Variants in IL15 observed in about 807,000 individuals in gnomAD.
IL15 encodes interleukin-15.
Under a neutral mutation model 19.6 loss-of-function variants are expected in IL15, and 11 were observed. The ratio of observed to expected loss-of-function variants is 0.56; its 90% CI spans 0.35 to 0.93. The LOEUF is 0.93. IL15 is among the 40% of genes least tolerant of loss of function. The probability of loss-of-function intolerance (pLI) is 0.01; values close to 1 mark genes in which losing one functional copy is unlikely to be tolerated. For synonymous variants in IL15, 58 were observed against 59.6 expected, an observed-to-expected ratio of 0.97 and a Z score of 0.12; for missense variants, 197 against 186.5, an observed-to-expected ratio of 1.06 and a Z score of -0.33.
Position 141,719,369 on chromosome 4 carries a change from G to T in IL15, c.-96G>T. 1.5e-6 allele frequency: 1 copy of T among 689,496 alleles called. No homozygotes were observed. The highest frequency in any genetic ancestry group is 2.6e-6 in the Non-Finnish European group (1 of 379,538). The allele number at this position is 689,496 out of a possible 1,614,324, so 42.7% of individuals were successfully genotyped here. On this transcript the variant is annotated 5_prime_UTR_variant, in exon 3 of 8. Transcript: ENST00000320650. Reference sequence around the variant, plus strand: ...AATGGATCATACTTTACCCTAGATTGTATTGTAGGAGGCATTGTGGATGGA... The same window carrying T: ...AATGGATCATACTTTACCCTAGATTTTATTGTAGGAGGCATTGTGGATGGA...
chr4:141,658,988 T>C lies in IL15; in HGVS notation c.-100+2681T>C, dbSNP rs950145378. ...CATTCTCCTGCCTCAGCCTCCTGAG[T>C]AGCTGGGACTACAGGCGCCTGCCAC... On this transcript the variant is annotated intron_variant, in intron 2 of 7. Coordinates refer to ENST00000320650, the MANE Select transcript of IL15 (RefSeq NM_000585.5). 2.6e-5 allele frequency among the ~76,000 whole-genome samples: 4 copies of C among 151,568 alleles called. No homozygotes were observed. The East Asian group carries it at 7.8e-4, about 29-fold the overall frequency.
At chr4:141,655,413 G>A in intron 1 of IL15, among the ~76,000 whole-genome samples, 1 of 151,688 alleles carries the variant, frequency 6.6e-6, no homozygotes, top group East Asian at 1.9e-4. Flanking sequence ...TGGCTGTATG[G>A]GTGTAAGATC....
At position 141,719,470 on chromosome 4, in the gene IL15, A is replaced by G; in HGVS notation, c.6A>G (p.Arg2=). 1 of 1,056,066 alleles carries G rather than the reference A, an allele frequency of 9.5e-7. No individual in the cohort carries two copies. The highest frequency in any genetic ancestry group is 1.3e-5 in the South Asian group (1 of 77,848). 65.4% of individuals were successfully genotyped at this position (1,056,066 alleles called of 1,614,324 possible). The change falls in exon 3 of 8, where the codon AGA becomes AGG. Residue 2 remains arginine (R), a synonymous_variant. Transcript: ENST00000320650. M[R]ISKPHLRSIS... Reference sequence around the variant, plus strand: ...ATTTACCGTGGCTTTGAGTAATGAGAATTTCGGTAAGAAAAAAAATAGATG... The same window carrying G: ...ATTTACCGTGGCTTTGAGTAATGAGGATTTCGGTAAGAAAAAAAATAGATG...
chr4:141,656,635 G>A (rs1397440769), intron 2 of IL15, among the ~76,000 whole-genome samples: 1 of 152,094 alleles, frequency 6.6e-6, no homozygotes, highest in Non-Finnish European at 1.5e-5. Context: ...GTATGGCTAT[G>A]TCCCACCAGA....
At position 141,669,292 on chromosome 4, in the gene IL15, C is replaced by T. The variant is rs536751478; in HGVS notation, c.-100+12985C>T. Among the ~76,000 whole-genome samples, 53 of 152,136 alleles carry T rather than the reference C, an allele frequency of 3.5e-4. 1 individual carries two copies. The highest frequency in any genetic ancestry group is 6.5e-4 in the Non-Finnish European group (44 of 68,028). ...ACTTTGAAAGTGCCTGGAATTTAGA[C>T]ACACAATGTAGCAAGCAACAAGAAG... On this transcript the variant is annotated intron_variant, in intron 2 of 7. Transcript: ENST00000320650.
chr4:141,682,968 A>G (rs1401922931), intron 2 of IL15, among the ~76,000 whole-genome samples: 2 of 151,982 alleles, frequency 1.3e-5, no homozygotes, highest in African/African-American at 2.4e-5. Context: ...AAAAACAAAC[A>G]AACAAACAAA....
chr4:141,660,298 C>G (rs1186073740), intron 2 of IL15, among the ~76,000 whole-genome samples: 1 of 152,164 alleles, frequency 6.6e-6, no homozygotes, highest in East Asian at 1.9e-4. Flanking sequence ...TGGGTATAAA[C>G]TAAGTTACTA....
intron 1 of IL15, among the ~76,000 whole-genome samples, chr4:141,647,892 G>A (rs1202161208): frequency 6.6e-6 from 1 of 151,950 alleles, no homozygotes; most frequent in Non-Finnish European, 1.5e-5. Context: ...ATTTATCTGT[G>A]TTCATATTGC....
At chr4:141,679,378 A>G (rs1728461590) in intron 2 of IL15, among the ~76,000 whole-genome samples, 1 of 152,236 alleles carries the variant, frequency 6.6e-6, no homozygotes, top group Non-Finnish European at 1.5e-5. Flanking sequence ...GAAACATTTT[A>G]CAGGTGAATA....
At chr4:141,719,989 C>A (rs1181123141) in intron 3 of IL15, among the ~76,000 whole-genome samples, 1 of 151,976 alleles carries the variant, frequency 6.6e-6, no homozygotes, top group African/African-American at 2.4e-5. Context: ...TAATTGGTTC[C>A]ATTTTATCCA....
chr4:141,731,411 C>T (rs532338264), intron 7 of IL15, among the ~76,000 whole-genome samples: 65 of 152,236 alleles, frequency 4.3e-4, no homozygotes, highest in Non-Finnish European at 8.1e-4. Flanking sequence ...ATATTAAATA[C>T]TTTACATATG....
rs1158218594 is a variant in IL15 at position 141,733,804 on chromosome 4, T to A, written c.*956T>A. On this transcript the variant is annotated 3_prime_UTR_variant, in exon 8 of 8. Coordinates refer to ENST00000320650, the MANE Select transcript of IL15 (RefSeq NM_000585.5). ...TACAGGTATTTTATTTTCACATTCT[T>A]TTTGCCATGTTTATATAATAATAAA... 1 of 152,200 alleles carries A rather than the reference T, an allele frequency of 6.6e-6. No homozygotes were observed. The highest frequency in any genetic ancestry group is 1.9e-4 in the East Asian group (1 of 5,196). 9.4% of individuals were successfully genotyped at this position (152,200 alleles called of 1,614,324 possible).
intron 2 of IL15, among the ~76,000 whole-genome samples, chr4:141,679,569 A>G (rs928768865): frequency 1.3e-5 from 2 of 152,206 alleles, no homozygotes; most frequent in Non-Finnish European, 2.9e-5. Flanking sequence ...AACCAGAAAT[A>G]TCTTTTATTT....
rs570790371 is a variant in IL15, at chr4:141,710,895, T to C, written c.-99-8471T>C. Among the ~76,000 whole-genome samples the C allele has an allele frequency of 7.6e-4, 115 of 152,258 alleles. 1 individual carries two copies. The highest frequency in any genetic ancestry group is 2.6e-3 in the African/African-American group (110 of 41,548). ...ATAATCATCAGAGTATGAGTTTACT[T>C]CCTCCTCTTCCTTTTCCTACACCAT... On this transcript the variant is annotated intron_variant, in intron 2 of 7. Coordinates refer to ENST00000320650, the MANE Select transcript of IL15 (RefSeq NM_000585.5).
chr4:141,703,590 C>G (rs1316592987), intron 2 of IL15, among the ~76,000 whole-genome samples: 5 of 152,042 alleles, frequency 3.3e-5, no homozygotes, highest in African/African-American at 4.8e-5. Context: ...GGTAGAATCT[C>G]CCCGTCTCAT....
intron 1 of IL15, among the ~76,000 whole-genome samples, chr4:141,653,797 C>A (rs1021874437): frequency 2.0e-5 from 3 of 152,082 alleles, no homozygotes; most frequent in African/African-American, 4.8e-5. Context: ...CACTGATATT[C>A]TAAAGTGAGC....
chr4:141,732,266 C>G (rs975625510), intron 7 of IL15, among the ~76,000 whole-genome samples: 1 of 152,068 alleles, frequency 6.6e-6, no homozygotes, highest in African/African-American at 2.4e-5. Context: ...ATGAATGTAA[C>G]AGAGAGAAAA....
intron 2 of IL15, among the ~76,000 whole-genome samples, chr4:141,673,371 A>G (rs1165280809): frequency 6.6e-6 from 1 of 152,184 alleles, no homozygotes. Context: ...TATATGATCA[A>G]GGATATGATT....
chr4:141,713,552 G>T (rs550910827), intron 2 of IL15, among the ~76,000 whole-genome samples: 57 of 152,286 alleles, frequency 3.7e-4, no homozygotes, highest in Non-Finnish European at 6.5e-4. Flanking sequence ...ACCAGTTGCT[G>T]CTTTAAACAA....
Sources: gnomAD v4.1 joint callset for allele counts (sites outside exome capture counted in the v4.1 genomes callset) on GRCh38, gnomAD v4.1.1 for gene constraint, MANE v1.5 for transcripts, NCBI Gene and HGNC (gene_info 2026-07-23, HGNC 2026-07-21) for gene names.